Variants in CNTN5 observed in about 807,000 individuals in gnomAD.
CNTN5 encodes contactin 5, also known as contactin-5.
CNTN5 carries 77 observed loss-of-function variants against 129.1 expected under a neutral mutation model. The ratio of observed to expected loss-of-function variants is 0.60; its 90% CI spans 0.50 to 0.72. CNTN5 has a LOEUF of 0.72. Among genes scored for constraint, CNTN5 ranks in the 30% least tolerant of loss-of-function variants. The pLI is 0.00. For missense variants in CNTN5, 1,478 were observed against 1,328.8 expected, an observed-to-expected ratio of 1.11 and a Z score of -1.75; for synonymous variants, 509 against 465.6, an observed-to-expected ratio of 1.09 and a Z score of -1.20.
intron 2 of CNTN5, among the ~76,000 whole-genome samples, chr11:99,436,685 G>T (rs10501911): frequency 0.17 from 26,409 of 151,968 alleles, 2,597 homozygotes; most frequent in Admixed American, 0.23. Flanking sequence ...ATCTAATGAG[G>T]ACAATAATAA....
chr11:99,553,833 A>G (rs1948575270), intron 2 of CNTN5, among the ~76,000 whole-genome samples: 1 of 151,970 alleles, frequency 6.6e-6, no homozygotes, highest in Non-Finnish European at 1.5e-5. Flanking sequence ...AAGGGAGGAG[A>G]GCAAAAATAA....
intron 3 of CNTN5, among the ~76,000 whole-genome samples, chr11:99,641,028 G>A (rs1042297851): frequency 2.6e-5 from 4 of 152,090 alleles, no homozygotes; most frequent in African/African-American, 9.7e-5. Context: ...CTTAATTATT[G>A]GAGGAGACAT....
At chr11:100,355,492 T>G (rs905647082) in intron 24 of CNTN5, among the ~76,000 whole-genome samples, 4 of 151,822 alleles carry the variant, frequency 2.6e-5, no homozygotes, top group Non-Finnish European at 2.9e-5. Flanking sequence ...AGTAAATACA[T>G]AAGCCAAATA....
At chr11:99,559,264 T>A (rs548239262) in intron 3 of CNTN5, among the ~76,000 whole-genome samples, 1 of 152,258 alleles carries the variant, frequency 6.6e-6, no homozygotes, top group African/African-American at 2.4e-5. Flanking sequence ...TTGGTGCTGT[T>A]TGAACCAAAA....
chr11:100,154,719 C>T (rs1045895262), intron 13 of CNTN5, among the ~76,000 whole-genome samples: 9 of 152,160 alleles, frequency 5.9e-5, no homozygotes, highest in African/African-American at 2.2e-4. Flanking sequence ...GCCATTCTAA[C>T]TGGCATGAGA....
Position 99,742,043 on chromosome 11 carries a change from A to G in CNTN5, c.56-77501A>G, listed in dbSNP as rs1299015628. Reference sequence around the variant, plus strand: ...GAAAATTAGAATCTATAAAAGAGAAATAGGGGAAATGTAACTACTAAATGT... The same window carrying G: ...GAAAATTAGAATCTATAAAAGAGAAGTAGGGGAAATGTAACTACTAAATGT... On this transcript the variant is annotated intron_variant, in intron 3 of 24. Coordinates refer to ENST00000524871, the MANE Select transcript of CNTN5 (RefSeq NM_014361.4). 3.3e-5 allele frequency among the ~76,000 whole-genome samples: 5 copies of G among 152,272 alleles called. 1 individual carries two copies. Among genetic ancestry groups the G allele is most frequent in the Non-Finnish European group, 2.9e-5 (2 of 67,964 alleles).
intron 1 of CNTN5, among the ~76,000 whole-genome samples, chr11:99,144,523 C>T (rs1027725968): frequency 6.6e-6 from 1 of 152,252 alleles, no homozygotes; most frequent in East Asian, 1.9e-4. Flanking sequence ...GTTTTCTGTG[C>T]CCTTTGCCGT....
chr11:100,163,858 G>A (rs1237290971), intron 13 of CNTN5, among the ~76,000 whole-genome samples: 1 of 151,800 alleles, frequency 6.6e-6, no homozygotes, highest in African/African-American at 2.4e-5. Context: ...CTATGTACCA[G>A]ACACTTTAAA....
intron 1 of CNTN5, among the ~76,000 whole-genome samples, chr11:99,063,102 G>A (rs1255091764): frequency 6.6e-6 from 1 of 152,134 alleles, no homozygotes; most frequent in African/African-American, 2.4e-5. Flanking sequence ...GATGAACAGG[G>A]ATTTTAGCAA....
At chr11:99,578,025 G>C (rs1042058919) in intron 3 of CNTN5, among the ~76,000 whole-genome samples, 3 of 133,044 alleles carry the variant, frequency 2.3e-5, no homozygotes, top group Admixed American at 8.5e-5. Context: ...TCCCCTTCCA[G>C]TGTCCATGTG....
At chr11:99,929,593 G>T (rs954403474) in intron 7 of CNTN5, among the ~76,000 whole-genome samples, 4 of 152,162 alleles carry the variant, frequency 2.6e-5, no homozygotes, top group African/African-American at 9.7e-5. Context: ...TCACATTACA[G>T]CAGCAAGGAA....
intron 3 of CNTN5, among the ~76,000 whole-genome samples, chr11:99,560,913 T>A (rs1182114907): frequency 1.3e-5 from 2 of 152,104 alleles, no homozygotes; most frequent in Non-Finnish European, 2.9e-5. Flanking sequence ...TGTGTGTGTT[T>A]GGGTGGGTGT....
chr11:99,930,819 A>ACACACAC (rs1555160658), intron 7 of CNTN5, among the ~76,000 whole-genome samples: 1 of 151,526 alleles, frequency 6.6e-6, no homozygotes, highest in African/African-American at 2.4e-5. Context: ...ACACACACAC[A>ACACACAC]TTTTAGTATT....
At chr11:99,401,282 T>G (rs531598483) in intron 2 of CNTN5, among the ~76,000 whole-genome samples, 2 of 152,202 alleles carry the variant, frequency 1.3e-5, no homozygotes, top group Non-Finnish European at 2.9e-5. Context: ...GGATCTAGTT[T>G]CATTGTTCTG....
In CNTN5 at chr11:99,845,139, T is replaced by C. The variant is rs199891833; in HGVS notation, c.454T>C (p.Leu152=). The part of the protein sequence containing the change: ...IDLESDYRYS[L]IDGTFIISNP... ...TCTGGAAAGTGATTATCGCTACAGT[T>C]TGATAGATGGCACCTTCATTATAAG... The change falls in exon 6 of 25, where the codon TTG becomes CTG. Residue 152 remains leucine (L), a synonymous_variant. Coordinates refer to ENST00000524871, the MANE Select transcript of CNTN5 (RefSeq NM_014361.4). The C allele has an allele frequency of 6.7e-5, 108 of 1,613,712 alleles. No individual in the cohort carries two copies. Among genetic ancestry groups the C allele is most frequent in the Non-Finnish European group, 8.6e-5 (101 of 1,179,848 alleles).
intron 1 of CNTN5, among the ~76,000 whole-genome samples, chr11:99,046,066 C>G (rs542861418): frequency 4.6e-5 from 7 of 152,094 alleles, no homozygotes; most frequent in African/African-American, 1.4e-4. Context: ...AGACCTGGTG[C>G]GGTGGCTCAC....
intron 8 of CNTN5, among the ~76,000 whole-genome samples, chr11:99,983,585 T>G (rs4753962): frequency 0.092 from 14,062 of 152,166 alleles, 964 homozygotes; most frequent in East Asian, 0.25. Flanking sequence ...CTAGTAGTAG[T>G]AGGAGGAGAA....
intron 1 of CNTN5, among the ~76,000 whole-genome samples, chr11:99,201,946 A>G (rs1050066854): frequency 2.0e-5 from 3 of 152,188 alleles, no homozygotes; most frequent in African/African-American, 7.2e-5. Context: ...ATTGGTGGTA[A>G]ATTTTTACAG....
intron 13 of CNTN5, among the ~76,000 whole-genome samples, chr11:100,175,512 A>G (rs17094503): frequency 0.031 from 4,697 of 152,234 alleles, 244 homozygotes; most frequent in African/African-American, 0.11. Flanking sequence ...AGTTTGATTT[A>G]GTCCTCATTT....
Sources: gnomAD v4.1 joint callset for allele counts (sites outside exome capture counted in the v4.1 genomes callset) on GRCh38, gnomAD v4.1.1 for gene constraint, MANE v1.5 for transcripts, NCBI Gene and HGNC (gene_info 2026-07-23, HGNC 2026-07-21) for gene names.